Variants in RUFY1 observed in about 807,000 individuals in gnomAD.
RUFY1 encodes RUN and FYVE domain-containing protein 1.
RUFY1 carries 54 observed loss-of-function variants against 94.6 expected under a neutral mutation model. That is an observed-to-expected ratio of 0.57 (90% confidence interval 0.46 to 0.72). The LOEUF (loss-of-function observed/expected upper bound fraction) is 0.72. RUFY1 is among the 30% of genes least tolerant of loss of function. The probability of loss-of-function intolerance (pLI) is 0.00; values close to 1 mark genes in which losing one functional copy is unlikely to be tolerated. For synonymous variants in RUFY1, 396 were observed against 347.3 expected (o/e 1.14, Z -1.56); for missense variants, 883 against 883.9 (o/e 1.00, Z 0.01).
chr5:179,607,358 A>C lies in RUFY1; in HGVS notation c.1906-224A>C, dbSNP rs1430173716. ...CTGGAGGCCCCAGGGCAGCCTGCAG[A>C]GGCCAAGAGGTGGAGCACGGAGCTA... On this transcript the variant is annotated intron_variant, in intron 16 of 17. Coordinates refer to ENST00000319449, the MANE Select transcript of RUFY1 (RefSeq NM_025158.5). 1.6e-5 allele frequency: 9 copies of C among 563,052 alleles called. 1 individual carries two copies. The highest frequency in any genetic ancestry group is 1.2e-4 in the East Asian group (4 of 32,986). 34.9% of individuals were successfully genotyped at this position (563,052 alleles called of 1,614,324 possible). A position where few individuals can be genotyped will look rare whatever the true frequency, so the allele number is the denominator to read the frequency against.
At position 179,577,132 on chromosome 5, in the gene RUFY1, A is replaced by T; in HGVS notation, c.886A>T (p.Lys296Ter). The T allele has an allele frequency of 7.8e-7, 1 of 1,284,006 alleles. No homozygotes were observed. Among genetic ancestry groups the T allele is most frequent in the Non-Finnish European group, 1.1e-6 (1 of 893,272 alleles). 79.5% of individuals were successfully genotyped at this position (1,284,006 alleles called of 1,614,324 possible). A position where few individuals can be genotyped will look rare whatever the true frequency, so the allele number is the denominator to read the frequency against. The change falls in exon 6 of 18, where the codon AAG (lysine) becomes TAG (stop). Residue 296 changes from lysine to a stop codon, truncating the protein, a stop_gained. Coordinates refer to ENST00000319449, the MANE Select transcript of RUFY1 (RefSeq NM_025158.5). LOFTEE classifies it high-confidence loss of function. Reference protein sequence around the residue: ...LKDVQDLDGGKEHERITDVLD... With the variant: ...LKDVQDLDGG ...GGATGTGCAGGATCTTGATGGTGGCAAGGAGTAAGTACTGCGTTGTATGTC... is the reference window on the plus strand; with the variant it reads ...GGATGTGCAGGATCTTGATGGTGGCTAGGAGTAAGTACTGCGTTGTATGTC...
At chr5:179,607,801 T>G (rs1767265852) in intron 17 of RUFY1, 142 bp downstream of exon 17, 1 of 715,308 alleles carries the variant, frequency 1.4e-6, no homozygotes, top group Non-Finnish European at 2.4e-6. Context: ...CAGCCCCGCC[T>G]CTCCTGTTTG....
At chr5:179,588,466 C>T (rs1037443280) in intron 8 of RUFY1, among the ~76,000 whole-genome samples, 1 of 152,186 alleles carries the variant, frequency 6.6e-6, no homozygotes, top group Non-Finnish European at 1.5e-5. Context: ...TCCTGGACAG[C>T]GTCCTGCTTC....
In RUFY1 at chr5:179,606,424, G is replaced by C. The variant is rs75733940; in HGVS notation, c.1905+500G>C. 935 of 163,742 alleles carry C rather than the reference G, an allele frequency of 5.7e-3. 7 individuals carry two copies. The highest frequency in any genetic ancestry group is 0.026 in the Middle Eastern group (9 of 348). 10.1% of individuals were successfully genotyped at this position (163,742 alleles called of 1,614,324 possible). On this transcript the variant is annotated intron_variant, in intron 16 of 17. Transcript: ENST00000319449. ...AAAGCAGGAGTTTGCAGGTGGCCCG[G>C]TGTGGGTGCGGGTGCCAGGCTGAGC...
chr5:179,569,385 ATGCCAATCTC>A lies in RUFY1; in HGVS notation c.792_801del (p.Asn265Ter). The stretch of plus-strand genomic sequence containing the variant: ...CTGCTGGTGGGACTCAATGTTCTCG[ATGCCAATCTC>A]TGCTTGAAAGGAGAAGACTTGGATT... On this transcript the variant is annotated frameshift_variant, in exon 5 of 18. Coordinates refer to ENST00000319449, the MANE Select transcript of RUFY1 (RefSeq NM_025158.5). LOFTEE classifies it high-confidence loss of function. 1 of 1,613,678 alleles carries A rather than the reference ATGCCAATCTC, an allele frequency of 6.2e-7. No homozygotes were observed.
chr5:179,560,705 A>G lies in RUFY1; in HGVS notation c.484+507A>G, dbSNP rs1323793490. 2.8e-4 allele frequency among the ~76,000 whole-genome samples: 40 copies of G among 145,256 alleles called. 1 individual carries two copies. Among genetic ancestry groups the G allele is most frequent in the South Asian group, 1.6e-3 (7 of 4,480 alleles). On this transcript the variant is annotated intron_variant, in intron 2 of 17. Coordinates refer to ENST00000319449, the MANE Select transcript of RUFY1 (RefSeq NM_025158.5). ...CGCGCCACTGCACTCCAGCTTGGGC[A>G]ACAGAGCAAGACTCCGTCTCAAAAA... is the stretch of plus-strand genomic sequence containing the variant.
chr5:179,582,791 C>T (rs569739027), intron 7 of RUFY1, among the ~76,000 whole-genome samples: 2 of 151,922 alleles, frequency 1.3e-5, no homozygotes, highest in African/African-American at 4.8e-5. Flanking sequence ...TGCAGTGAGC[C>T]GAGATTGCAC....
Position 179,551,029 on chromosome 5 carries a change from G to A in RUFY1, c.310+150G>A, listed in dbSNP as rs539953414. ...GGGCGGGCGGCGCCTGGCTGCGCCT[G>A]GGTCTTTACTCCGGCGGCCCAGCCG... On this transcript the variant is annotated intron_variant, in intron 1 of 17. Transcript: ENST00000319449. 10 of 673,234 alleles carry A rather than the reference G, an allele frequency of 1.5e-5. No homozygotes were observed. In the African/African-American group the frequency reaches 1.8e-4, roughly 12 times the overall value. The allele number at this position is 673,234 out of a possible 1,614,324, so 41.7% of individuals were successfully genotyped here.
At chr5:179,592,142 G>A (rs552366830) in intron 10 of RUFY1, among the ~76,000 whole-genome samples, 92 of 151,116 alleles carry the variant, frequency 6.1e-4, no homozygotes, top group Middle Eastern at 3.4e-3. Context: ...TTTTTGAGAC[G>A]GAGTTTCACT....
chr5:179,576,457 G>T (rs1352071794), intron 5 of RUFY1, among the ~76,000 whole-genome samples: 1 of 152,166 alleles, frequency 6.6e-6, no homozygotes, highest in African/African-American at 2.4e-5. Flanking sequence ...GTCTCGCTCT[G>T]TTGCCCAGGT....
intron 9 of RUFY1, 84 bp downstream of exon 9, chr5:179,589,731 A>G (rs1764886709): frequency 1.9e-6 from 2 of 1,060,254 alleles, no homozygotes; most frequent in East Asian, 4.8e-5. Flanking sequence ...CTTAACAACA[A>G]CCCAGTCTTC....
chr5:179,551,474 G>A (rs1166859529), intron 1 of RUFY1, among the ~76,000 whole-genome samples: 1 of 152,174 alleles, frequency 6.6e-6, no homozygotes, highest in East Asian at 1.9e-4. Flanking sequence ...ATGTTTTTGT[G>A]TGTGTGTTTT....
At chr5:179,559,878 C>T (rs142665481) in intron 1 of RUFY1, 147 bp from the exon 2 acceptor site, 21 of 1,425,562 alleles carry the variant, frequency 1.5e-5, no homozygotes, top group Non-Finnish European at 1.7e-5. Flanking sequence ...TACTTACCTG[C>T]GAATCCCGGT....
At chr5:179,572,267 T>A in intron 5 of RUFY1, 1 of 238,088 alleles carries the variant, frequency 4.2e-6, no homozygotes, top group African/African-American at 2.4e-5. Flanking sequence ...GGGAAGTACG[T>A]CGTCCTCTTT....
chr5:179,591,258 C>T (rs1271630009), intron 9 of RUFY1, among the ~76,000 whole-genome samples: 1 of 151,956 alleles, frequency 6.6e-6, no homozygotes, highest in East Asian at 1.9e-4. Flanking sequence ...GATCTTGGCT[C>T]ACTGCAAGCT....
At chr5:179,561,053 A>G (rs1051856673) in intron 2 of RUFY1, among the ~76,000 whole-genome samples, 4 of 150,966 alleles carry the variant, frequency 2.6e-5, no homozygotes, top group African/African-American at 9.8e-5. Context: ...TCTGCTAACA[A>G]CACAAAAATT....
rs1291405067 is a variant in RUFY1 at position 179,609,849 on chromosome 5, T to G, written c.*330T>G. 1 of 213,558 alleles carries G rather than the reference T, an allele frequency of 4.7e-6. No homozygotes were observed. The highest frequency in any genetic ancestry group is 1.1e-4 in the East Asian group (1 of 8,740). 13.2% of individuals were successfully genotyped at this position (213,558 alleles called of 1,614,324 possible). A position where few individuals can be genotyped will look rare whatever the true frequency, so the allele number is the denominator to read the frequency against. On this transcript the variant is annotated 3_prime_UTR_variant, in exon 18 of 18. Transcript: ENST00000319449. ...ACAGCAGTTCAGTTCTGCTAGTGAG[T>G]AGTTTTCCTCTCCTACCTTCCTTCT...
intron 3 of RUFY1, among the ~76,000 whole-genome samples, chr5:179,563,447 TGAGTAACTTGCCC>T (rs1762591210): frequency 6.6e-6 from 1 of 152,142 alleles, no homozygotes. Context: ...TTAGAGTGGT[TGAGTAACTTGCCC>T]GAGGTGCCTT....
chr5:179,597,174 T>G (rs895405358), intron 13 of RUFY1, among the ~76,000 whole-genome samples: 1 of 152,090 alleles, frequency 6.6e-6, no homozygotes, highest in African/African-American at 2.4e-5. Context: ...TGCCTCAGCC[T>G]CCTGAGTAGC....
Sources: gnomAD v4.1 joint callset for allele counts (sites outside exome capture counted in the v4.1 genomes callset) on GRCh38, gnomAD v4.1.1 for gene constraint, MANE v1.5 for transcripts, NCBI Gene and HGNC (gene_info 2026-07-23, HGNC 2026-07-21) for gene names.